Variants in CHRM3 observed in about 807,000 individuals in gnomAD.
The protein encoded by CHRM3 is muscarinic acetylcholine receptor M3.
Under a neutral mutation model 41.8 loss-of-function variants are expected in CHRM3, and 11 were observed. The ratio of observed to expected loss-of-function variants is 0.26; its 90% CI spans 0.17 to 0.44. The LOEUF is 0.44. Among genes scored for constraint, CHRM3 ranks in the 20% least tolerant of loss-of-function variants. The probability of loss-of-function intolerance (pLI) is 1.00; values close to 1 mark genes in which losing one functional copy is unlikely to be tolerated. For missense variants in CHRM3, 571 were observed against 745.4 expected (o/e 0.77, Z 2.72); for synonymous variants, 297 against 301.4 (o/e 0.99, Z 0.15).
intron 6 of CHRM3, among the ~76,000 whole-genome samples, chr1:239,865,804 G>A (rs540721349): frequency 6.6e-6 from 1 of 152,164 alleles, no homozygotes; most frequent in Non-Finnish European, 1.5e-5. Flanking sequence ...GTTACTTATG[G>A]GAAGAATAAA....
chr1:239,881,222 G>A (rs1291183538), intron 6 of CHRM3, among the ~76,000 whole-genome samples: 3 of 136,452 alleles, frequency 2.2e-5, no homozygotes, highest in African/African-American at 5.4e-5. Context: ...GGCGGAGCTT[G>A]CAGTGAGCCG....
At chr1:239,520,620 T>A (rs1457758885) in intron 2 of CHRM3, among the ~76,000 whole-genome samples, 5 of 152,174 alleles carry the variant, frequency 3.3e-5, no homozygotes, top group Non-Finnish European at 7.3e-5. Flanking sequence ...CTCTTTTCTT[T>A]GTAAATTTCC....
At chr1:239,722,161 T>C (rs1663033740) in intron 5 of CHRM3, among the ~76,000 whole-genome samples, 1 of 151,926 alleles carries the variant, frequency 6.6e-6, no homozygotes, top group Non-Finnish European at 1.5e-5. Context: ...GCAATGTAAC[T>C]GCTTGATTTT....
intron 1 of CHRM3, among the ~76,000 whole-genome samples, chr1:239,411,015 G>A (rs1259737234): frequency 6.6e-6 from 1 of 152,102 alleles, no homozygotes; most frequent in Admixed American, 6.6e-5. Context: ...GCACTGCCTA[G>A]ATATGTTCAC....
chr1:239,464,530 C>T (rs1665588353), intron 1 of CHRM3, among the ~76,000 whole-genome samples: 1 of 152,156 alleles, frequency 6.6e-6, no homozygotes, highest in Admixed American at 6.5e-5. Context: ...AACAACCTTA[C>T]TCTGCTGCCA....
At chr1:239,822,880 TTA>T (rs762549202) in intron 5 of CHRM3, among the ~76,000 whole-genome samples, 38 of 152,126 alleles carry the variant, frequency 2.5e-4, no homozygotes, top group Non-Finnish European at 5.1e-4. Flanking sequence ...GAGTAAAATG[TTA>T]TAGGAGGAAA....
chr1:239,872,420 A>T, intron 6 of CHRM3, among the ~76,000 whole-genome samples: 1 of 152,166 alleles, frequency 6.6e-6, no homozygotes, highest in Non-Finnish European at 1.5e-5. Context: ...CTAGACCAGA[A>T]AGAGGAGTAG....
At chr1:239,599,152 A>G (rs774198964) in intron 3 of CHRM3, among the ~76,000 whole-genome samples, 2 of 151,994 alleles carry the variant, frequency 1.3e-5, no homozygotes, top group Non-Finnish European at 2.9e-5. Flanking sequence ...TTTGTCTCTT[A>G]TTTTCTGCTC....
At chr1:239,639,216 C>A (rs914169554) in intron 4 of CHRM3, among the ~76,000 whole-genome samples, 5 of 152,102 alleles carry the variant, frequency 3.3e-5, no homozygotes, top group Non-Finnish European at 7.3e-5. Context: ...CAGCTTTGTT[C>A]TTTTGGCTTA....
chr1:239,766,362 T>A (rs1667205322), intron 5 of CHRM3, among the ~76,000 whole-genome samples: 1 of 151,958 alleles, frequency 6.6e-6, no homozygotes, highest in South Asian at 2.1e-4. Flanking sequence ...TCCTTTAAGC[T>A]GAATAAATAT....
At chr1:239,494,425 A>C (rs1667751357) in intron 2 of CHRM3, among the ~76,000 whole-genome samples, 1 of 152,190 alleles carries the variant, frequency 6.6e-6, no homozygotes, top group African/African-American at 2.4e-5. Context: ...TTCAGTAGAC[A>C]ACTTAATATT....
chr1:239,516,969 A>G (rs1235061882), intron 2 of CHRM3, among the ~76,000 whole-genome samples: 1 of 152,124 alleles, frequency 6.6e-6, no homozygotes, highest in African/African-American at 2.4e-5. Flanking sequence ...AGATGTGACA[A>G]TCTAGTTGCA....
At chr1:239,792,979 T>C (rs1669471315) in intron 5 of CHRM3, among the ~76,000 whole-genome samples, 1 of 152,212 alleles carries the variant, frequency 6.6e-6, no homozygotes, top group South Asian at 2.1e-4. Context: ...ATCCTAAACT[T>C]CCTGGCAGTC....
intron 3 of CHRM3, among the ~76,000 whole-genome samples, chr1:239,603,468 C>T (rs1323243026): frequency 6.6e-6 from 1 of 152,132 alleles, no homozygotes; most frequent in African/African-American, 2.4e-5. Context: ...AGGGACTCCT[C>T]ATCTACTTGT....
intron 6 of CHRM3, among the ~76,000 whole-genome samples, chr1:239,885,728 A>G (rs1019834862): frequency 6.6e-6 from 1 of 152,104 alleles, no homozygotes; most frequent in African/African-American, 2.4e-5. Flanking sequence ...CCCTAAATTC[A>G]ACACCTGCGC....
rs374053139 is a variant in CHRM3, at chr1:239,885,383, C to A, written c.-19-22050C>A. Reference sequence around the variant, plus strand: ...AAAATGGGCAGGTCTAACAAGTAACCAGTTGCTGCTGCTTGATGCTGGGGT... The same window carrying A: ...AAAATGGGCAGGTCTAACAAGTAACAAGTTGCTGCTGCTTGATGCTGGGGT... On this transcript the variant is annotated intron_variant, in intron 6 of 6. Coordinates refer to ENST00000676153, the MANE Select transcript of CHRM3 (RefSeq NM_001375978.1). 3.9e-5 allele frequency among the ~76,000 whole-genome samples: 6 copies of A among 152,128 alleles called. No individual in the cohort carries two copies. In the South Asian group the frequency reaches 1.3e-3, roughly 32 times the overall value.
chr1:239,477,999 A>T (rs1453730070), intron 1 of CHRM3, among the ~76,000 whole-genome samples: 1 of 152,180 alleles, frequency 6.6e-6, no homozygotes, highest in African/African-American at 2.4e-5. Context: ...GGGTGTGATA[A>T]TCCAGGAGTA....
Position 239,455,314 on chromosome 1 carries a change from G to A in CHRM3, c.-520-37395G>A, listed in dbSNP as rs1001916003. 3.2e-4 allele frequency among the ~76,000 whole-genome samples: 49 copies of A among 151,958 alleles called. 1 individual carries two copies. The Middle Eastern group carries it at 0.01, about 32-fold the overall frequency. Reference sequence around the variant, plus strand: ...GATCTACCCGCCTCAGCCTCCCAAAGTGCTGGGATTACAGACCTGAGCCAC... The same window carrying A: ...GATCTACCCGCCTCAGCCTCCCAAAATGCTGGGATTACAGACCTGAGCCAC... On this transcript the variant is annotated intron_variant, in intron 1 of 6. Transcript: ENST00000676153.
At chr1:239,633,822 T>G (rs557012923) in intron 4 of CHRM3, among the ~76,000 whole-genome samples, 1 of 146,508 alleles carries the variant, frequency 6.8e-6, no homozygotes, top group South Asian at 2.2e-4. Flanking sequence ...CATCATCAGA[T>G]TTCTTGTTGC....
Sources: allele counts gnomAD v4.1 joint callset (sites outside exome capture counted in the v4.1 genomes callset), GRCh38; gene constraint gnomAD v4.1.1; transcripts MANE v1.5; gene names NCBI Gene and HGNC (gene_info 2026-07-23, HGNC 2026-07-21).